The following ARID4B variants were observed in gnomAD, a reference collection of about 807,000 sequenced individuals.
ARID4B encodes the protein AT-rich interactive domain-containing protein 4B.
Under a neutral mutation model 147.5 loss-of-function variants are expected in ARID4B, and 26 were observed. The observed-to-expected ratio is 0.18, with a 90% CI of 0.13 to 0.24. The LOEUF is 0.24. Among genes scored for constraint, ARID4B ranks in the 10% least tolerant of loss-of-function variants. ARID4B has a pLI of 1.00. For missense variants in ARID4B, 1,179 were observed against 1,511.5 expected, an observed-to-expected ratio of 0.78 and a Z score of 3.65; for synonymous variants, 512 against 507.9, an observed-to-expected ratio of 1.01 and a Z score of -0.11.
chr1:235,223,146 A>G lies in ARID4B; in HGVS notation c.1065+20T>C. The G allele has an allele frequency of 1.4e-6, 2 of 1,461,426 alleles. No homozygotes were observed. Among genetic ancestry groups the G allele is most frequent in the Non-Finnish European group, 9.5e-7 (1 of 1,057,458 alleles). 90.5% of individuals were successfully genotyped at this position (1,461,426 alleles called of 1,614,324 possible). On this transcript the variant is annotated intron_variant, in intron 13 of 23. Transcript: ENST00000264183. ...ACATGTTACATGAAAAAGATGTTTC[A>G]GTTTGACTACAACACTCACATTATC...
At chr1:235,173,742 T>TAAAAA (rs755815257) in intron 22 of ARID4B, among the ~76,000 whole-genome samples, 4 of 26,262 alleles carry the variant, frequency 1.5e-4, no homozygotes, top group African/African-American at 4.6e-4. Flanking sequence ...CGTCTCTATT[T>TAAAAA]AAAAAAAAAA....
intron 22 of ARID4B, among the ~76,000 whole-genome samples, chr1:235,174,675 G>A (rs1036091560): frequency 6.6e-6 from 1 of 151,864 alleles, no homozygotes; most frequent in Non-Finnish European, 1.5e-5. Flanking sequence ...AGCCAGGTGT[G>A]GTGGTGGGCG....
intron 5 of ARID4B, among the ~76,000 whole-genome samples, chr1:235,254,602 T>C (rs1418732136): frequency 6.6e-6 from 1 of 151,788 alleles, no homozygotes; most frequent in Non-Finnish European, 1.5e-5. Context: ...AAAAACTGAC[T>C]ACATGAAAAT....
chr1:235,217,861 A>C (rs1017251871), intron 16 of ARID4B, among the ~76,000 whole-genome samples: 1 of 152,186 alleles, frequency 6.6e-6, no homozygotes, highest in African/African-American at 2.4e-5. Context: ...TCTTATCTGC[A>C]AGGGATACAG....
chr1:235,267,077 A>G (rs1670652746), intron 2 of ARID4B, among the ~76,000 whole-genome samples: 1 of 151,930 alleles, frequency 6.6e-6, no homozygotes, highest in South Asian at 2.1e-4. Flanking sequence ...CAGGAGTTCA[A>G]GACCAGCTTG....
At chr1:235,242,095 A>C (rs1471549225) in intron 7 of ARID4B, among the ~76,000 whole-genome samples, 1 of 152,000 alleles carries the variant, frequency 6.6e-6, no homozygotes, top group Admixed American at 6.5e-5. Flanking sequence ...TAAAAATACA[A>C]AAATTAGCCA....
At chr1:235,258,759 A>G (rs1432606314) in intron 3 of ARID4B, among the ~76,000 whole-genome samples, 1 of 152,206 alleles carries the variant, frequency 6.6e-6, no homozygotes, top group Non-Finnish European at 1.5e-5. Context: ...TGTCATACAA[A>G]AGCATTATCA....
intron 23 of ARID4B, among the ~76,000 whole-genome samples, chr1:235,171,375 G>C (rs1006586976): frequency 2.0e-5 from 3 of 152,070 alleles, no homozygotes; most frequent in African/African-American, 7.2e-5. Context: ...GGAGGTTGTA[G>C]TGAGCTGAGA....
At chr1:235,262,432 A>G (rs537013232) in intron 2 of ARID4B, among the ~76,000 whole-genome samples, 4 of 152,322 alleles carry the variant, frequency 2.6e-5, no homozygotes, top group Admixed American at 1.3e-4. Context: ...ATGGGAATAT[A>G]CCCTTACAGA....
chr1:235,301,193 C>A (rs1214820369), intron 2 of ARID4B, among the ~76,000 whole-genome samples: 1 of 151,430 alleles, frequency 6.6e-6, no homozygotes, highest in Non-Finnish European at 1.5e-5. Flanking sequence ...GGCGAATCTA[C>A]TTTTTCTACT....
intron 2 of ARID4B, among the ~76,000 whole-genome samples, chr1:235,269,331 T>C (rs1670819126): frequency 6.6e-6 from 1 of 152,170 alleles, no homozygotes; most frequent in Admixed American, 6.6e-5. Context: ...TGACAGGTGG[T>C]TTGATGAACA....
chr1:235,185,760 C>G, intron 19 of ARID4B, among the ~76,000 whole-genome samples: 2 of 152,310 alleles, frequency 1.3e-5, no homozygotes, highest in Middle Eastern at 3.4e-3. Flanking sequence ...AGTTCTGAAT[C>G]CTTCCGAATG....
chr1:235,178,253 T>C (rs982581976), intron 20 of ARID4B, among the ~76,000 whole-genome samples: 42 of 152,160 alleles, frequency 2.8e-4, no homozygotes, highest in African/African-American at 9.4e-4. Context: ...AACTGAAATT[T>C]GTTAAGATTC....
intron 2 of ARID4B, among the ~76,000 whole-genome samples, chr1:235,288,505 T>A (rs1244601123): frequency 2.0e-5 from 3 of 152,232 alleles, no homozygotes; most frequent in Non-Finnish European, 4.4e-5. Flanking sequence ...CTTTCAACTT[T>A]TCTTTCATTC....
At chr1:235,178,641 T>TTA (rs1481784115) in intron 20 of ARID4B, among the ~76,000 whole-genome samples, 16 of 152,228 alleles carry the variant, frequency 1.1e-4, no homozygotes, top group Non-Finnish European at 2.4e-4. Flanking sequence ...TTTTCTATAC[T>TTA]ACTCATTTGG....
intron 23 of ARID4B, among the ~76,000 whole-genome samples, chr1:235,170,930 A>AAG (rs1553278213): frequency 6.7e-6 from 1 of 150,134 alleles, no homozygotes; most frequent in Non-Finnish European, 1.5e-5. Context: ...AAAAAAAAAA[A>AAG]AAAACCACAC....
At position 235,188,530 on chromosome 1, in the gene ARID4B, G is replaced by A. The variant is rs184323917; in HGVS notation, c.2125+5483C>T. Among the ~76,000 whole-genome samples the A allele has an allele frequency of 6.1e-3, 922 of 152,288 alleles. 18 individuals are homozygous for A. Among genetic ancestry groups the A allele is most frequent in the Non-Finnish European group, 5.5e-3 (375 of 68,028 alleles). On this transcript the variant is annotated intron_variant, in intron 19 of 23. Coordinates refer to ENST00000264183, the MANE Select transcript of ARID4B (RefSeq NM_016374.6). ...AGAGCTTTATTCTCTGAAGACAGTAGGAGAGGGCTCCTAGCCTGGGAGATG... is the reference window on the plus strand; with the variant it reads ...AGAGCTTTATTCTCTGAAGACAGTAAGAGAGGGCTCCTAGCCTGGGAGATG...
intron 2 of ARID4B, among the ~76,000 whole-genome samples, chr1:235,303,974 C>T (rs1673368156): frequency 6.6e-6 from 1 of 152,160 alleles, no homozygotes; most frequent in African/African-American, 2.4e-5. Context: ...GAGTATTTTA[C>T]ATGCATCATC....
chr1:235,307,974 C>A (rs1673697992), intron 2 of ARID4B, among the ~76,000 whole-genome samples: 1 of 151,942 alleles, frequency 6.6e-6, no homozygotes, highest in African/African-American at 2.4e-5. Context: ...GAATTACAGG[C>A]ACAAGCCACC....
Sources: allele counts gnomAD v4.1 joint callset (sites outside exome capture counted in the v4.1 genomes callset), GRCh38; gene constraint gnomAD v4.1.1; transcripts MANE v1.5; gene names NCBI Gene and HGNC (gene_info 2026-07-23, HGNC 2026-07-21).